Variants in RASGRF2 observed in about 807,000 individuals in gnomAD.
RASGRF2 encodes the protein Ras protein specific guanine nucleotide releasing factor 2, also known as ras-specific guanine nucleotide-releasing factor 2.
RASGRF2 carries 76 observed loss-of-function variants against 151.0 expected under a neutral mutation model. The ratio of observed to expected loss-of-function variants is 0.50; its 90% CI spans 0.42 to 0.61. RASGRF2 has a LOEUF of 0.61. Ranked by LOEUF, RASGRF2 falls within the 20% of genes least tolerant of loss-of-function variation. The pLI is 0.00. For synonymous variants in RASGRF2, 504 were observed against 566.5 expected (o/e 0.89, Z 1.57); for missense variants, 1,148 against 1,564.6 (o/e 0.73, Z 4.49).
chr5:81,080,356 T>C (rs1752052316), intron 6 of RASGRF2, among the ~76,000 whole-genome samples, 156 bp downstream of exon 6: 1 of 152,200 alleles, frequency 6.6e-6, no homozygotes, highest in South Asian at 2.1e-4. Flanking sequence ...TTTTGGGTAC[T>C]TTGGGCCCTG....
intron 7 of RASGRF2, among the ~76,000 whole-genome samples, chr5:81,084,535 T>C (rs1391667159): frequency 6.6e-6 from 1 of 152,164 alleles, no homozygotes. Flanking sequence ...CCTGAAGCCT[T>C]GATTTGATGA....
At chr5:81,128,823 A>G (rs991073598) in intron 17 of RASGRF2, among the ~76,000 whole-genome samples, 4 of 152,156 alleles carry the variant, frequency 2.6e-5, no homozygotes, top group Non-Finnish European at 5.9e-5. Context: ...TGCAAGGAGG[A>G]TATTATGTTA....
intron 15 of RASGRF2, chr5:81,114,796 AGTCT>A (rs1753105840): frequency 6.6e-6 from 1 of 152,306 alleles, no homozygotes; most frequent in South Asian, 2.1e-4. Flanking sequence ...TGAGATCAGC[AGTCT>A]GTCTTACTCA....
intron 18 of RASGRF2, among the ~76,000 whole-genome samples, chr5:81,199,749 T>C (rs889214838): frequency 6.6e-6 from 1 of 151,480 alleles, no homozygotes; most frequent in African/African-American, 2.4e-5. Context: ...AATCCAAAAA[T>C]TAGCCAGGCG....
chr5:81,210,626 A>G (rs548082916), intron 22 of RASGRF2, among the ~76,000 whole-genome samples: 1 of 152,290 alleles, frequency 6.6e-6, no homozygotes, highest in East Asian at 1.9e-4. Flanking sequence ...TGGCACAGGA[A>G]TGACTTCTCT....
At chr5:81,059,244 C>T (rs976214289) in intron 2 of RASGRF2, among the ~76,000 whole-genome samples, 2 of 151,606 alleles carry the variant, frequency 1.3e-5, no homozygotes, top group Admixed American at 6.6e-5. Flanking sequence ...ATTAGCCGGG[C>T]CTGGTGGCAG....
At chr5:81,217,616 A>G (rs577112300) in intron 25 of RASGRF2, 143 bp downstream of exon 25, 26 of 659,270 alleles carry the variant, frequency 3.9e-5, no homozygotes, top group East Asian at 3.4e-4. Context: ...ATCTCAGTCT[A>G]TCGCCCAGGC....
chr5:81,085,990 T>A (rs1384164152), intron 8 of RASGRF2, 79 bp downstream of exon 8: 8 of 1,569,740 alleles, frequency 5.1e-6, no homozygotes, highest in Non-Finnish European at 6.9e-6. Context: ...CTGTATATGT[T>A]CTAAGGAACA....
At chr5:81,037,397 C>G (rs993112171) in intron 1 of RASGRF2, among the ~76,000 whole-genome samples, 1 of 152,102 alleles carries the variant, frequency 6.6e-6, no homozygotes. Flanking sequence ...TACTTTCTTC[C>G]GGCAACTTCA....
At position 81,113,008 on chromosome 5, in the gene RASGRF2, C is replaced by T. The variant is rs533008367; in HGVS notation, c.2087+150C>T. ...TGTACCATGCCCCTCCAGCAGAAGG[C>T]CATATGTAAAGGTCACACAGAGTTC... On this transcript the variant is annotated intron_variant, in intron 14 of 26. Coordinates refer to ENST00000265080, the MANE Select transcript of RASGRF2 (RefSeq NM_006909.3). The T allele has an allele frequency of 6.7e-5, 72 of 1,072,000 alleles. 2 individuals carry two copies. The South Asian group carries it at 1.1e-3, about 17-fold the overall frequency. The allele number at this position is 1,072,000 out of a possible 1,614,324, so 66.4% of individuals were successfully genotyped here. A position where few individuals can be genotyped will look rare whatever the true frequency, so the allele number is the denominator to read the frequency against.
intron 18 of RASGRF2, 117 bp downstream of exon 18, chr5:81,180,398 C>A: frequency 1.5e-6 from 1 of 666,746 alleles, no homozygotes; most frequent in Non-Finnish European, 2.7e-6. Context: ...AACCTTGACA[C>A]TGGAACTTAG....
rs1752072196 is a variant in RASGRF2 at position 81,081,069 on chromosome 5, C to T, written c.1161+280C>T. Reference sequence around the variant, plus strand: ...ATTTTCTCTTTACAGAAAGATTCCACACAGACCTCTTTCATGGAGTCTCCT... The same window carrying T: ...ATTTTCTCTTTACAGAAAGATTCCATACAGACCTCTTTCATGGAGTCTCCT... On this transcript the variant is annotated intron_variant, in intron 7 of 26. Coordinates refer to ENST00000265080, the MANE Select transcript of RASGRF2 (RefSeq NM_006909.3). Among the ~76,000 whole-genome samples, 3 of 152,228 alleles carry T rather than the reference C, an allele frequency of 2.0e-5. No individual in the cohort carries two copies. The South Asian group carries it at 6.2e-4, about 31-fold the overall frequency.
intron 1 of RASGRF2, among the ~76,000 whole-genome samples, chr5:80,973,601 T>C (rs989665691): frequency 1.3e-5 from 2 of 152,168 alleles, no homozygotes; most frequent in Non-Finnish European, 2.9e-5. Context: ...CAGGCTGGCC[T>C]GGGGGTGCTA....
chr5:81,028,099 T>C (rs553826634), intron 1 of RASGRF2, among the ~76,000 whole-genome samples: 9 of 151,918 alleles, frequency 5.9e-5, no homozygotes, highest in Non-Finnish European at 1.2e-4. Flanking sequence ...TTCTTGAGGG[T>C]CCAGATAAAT....
chr5:81,011,157 T>C (rs1266550814), intron 1 of RASGRF2, among the ~76,000 whole-genome samples: 10 of 152,186 alleles, frequency 6.6e-5, no homozygotes, highest in Non-Finnish European at 1.3e-4. Flanking sequence ...TTTTGGTATA[T>C]TTACTTCCAG....
chr5:81,168,894 T>G (rs183899698), intron 17 of RASGRF2, among the ~76,000 whole-genome samples: 1 of 152,308 alleles, frequency 6.6e-6, no homozygotes, highest in Non-Finnish European at 1.5e-5. Context: ...TTTCCTGTCC[T>G]CTTGGGTTCC....
At chr5:81,170,528 A>G (rs1341125950) in intron 17 of RASGRF2, among the ~76,000 whole-genome samples, 2 of 152,022 alleles carry the variant, frequency 1.3e-5, no homozygotes, top group African/African-American at 4.8e-5. Flanking sequence ...CCATCCCTCC[A>G]TCAAGCAGAG....
At chr5:80,977,110 C>T (rs904654537) in intron 1 of RASGRF2, among the ~76,000 whole-genome samples, 1 of 152,192 alleles carries the variant, frequency 6.6e-6, no homozygotes, top group Non-Finnish European at 1.5e-5. Context: ...ACTGTCGTTT[C>T]CTCCCATGAA....
intron 18 of RASGRF2, among the ~76,000 whole-genome samples, chr5:81,198,742 G>A (rs1755324690): frequency 6.6e-6 from 1 of 152,146 alleles, no homozygotes; most frequent in African/African-American, 2.4e-5. Context: ...CCTGGCCCAT[G>A]ATTTCGTTTT....
Sources: allele counts gnomAD v4.1 joint callset (sites outside exome capture counted in the v4.1 genomes callset), GRCh38; gene constraint gnomAD v4.1.1; transcripts MANE v1.5; gene names NCBI Gene and HGNC (gene_info 2026-07-23, HGNC 2026-07-21).